The following FOXP2 variants were observed in gnomAD, a reference collection of about 807,000 sequenced individuals.
The protein encoded by FOXP2 is forkhead box P2.
A neutral mutation model predicts 115.8 loss-of-function variants in FOXP2; 12 were observed. The observed-to-expected ratio is 0.10, with a 90% CI of 0.07 to 0.17. FOXP2 has a LOEUF of 0.17. Among genes scored for constraint, FOXP2 ranks in the 10% least tolerant of loss-of-function variants. The probability of loss-of-function intolerance (pLI) is 1.00; values close to 1 mark genes in which losing one functional copy is unlikely to be tolerated. For synonymous variants in FOXP2, 328 were observed against 297.7 expected, an observed-to-expected ratio of 1.10 and a Z score of -1.05; for missense variants, 629 against 843.5, an observed-to-expected ratio of 0.75 and a Z score of 3.15.
intron 6 of FOXP2, among the ~76,000 whole-genome samples, chr7:114,635,475 A>T (rs1172603292): frequency 6.6e-6 from 1 of 152,164 alleles, no homozygotes; most frequent in Non-Finnish European, 1.5e-5. Flanking sequence ...AAATTTCATC[A>T]CTGAATTGAA....
At chr7:114,636,250 C>T (rs1353642866) in intron 6 of FOXP2, among the ~76,000 whole-genome samples, 1 of 152,108 alleles carries the variant, frequency 6.6e-6, no homozygotes, top group African/African-American at 2.4e-5. Flanking sequence ...GGGAAGTTTA[C>T]TTTTGTAATA....
chr7:114,447,064 G>T (rs1306980340), intron 2 of FOXP2, among the ~76,000 whole-genome samples: 1 of 151,892 alleles, frequency 6.6e-6, no homozygotes, highest in African/African-American at 2.4e-5. Context: ...ATCTTTTTAA[G>T]TGGCACTTTA....
intron 1 of FOXP2, among the ~76,000 whole-genome samples, chr7:114,119,549 T>C (rs1791502318): frequency 6.6e-6 from 1 of 151,456 alleles, no homozygotes; most frequent in Non-Finnish European, 1.5e-5. Flanking sequence ...GAGACCAGCC[T>C]AAAAAAAATT....
Position 114,595,609 on chromosome 7 carries a change from A to G in FOXP2, c.259-32931A>G, listed in dbSNP as rs551724655. ...TAATAGAGGTAAGTTGTTTGTAAGG[A>G]TTTTATCGTTTTATTCACCATTAGT... is the stretch of plus-strand genomic sequence containing the variant. On this transcript the variant is annotated intron_variant, in intron 3 of 16. Transcript: ENST00000350908. Among the ~76,000 whole-genome samples, 9 of 152,142 alleles carry G rather than the reference A, an allele frequency of 5.9e-5. No individual in the cohort carries two copies. The South Asian group carries it at 1.9e-3, about 31-fold the overall frequency.
chr7:114,114,121 G>A (rs1791343243), intron 1 of FOXP2, among the ~76,000 whole-genome samples: 1 of 151,814 alleles, frequency 6.6e-6, no homozygotes, highest in South Asian at 2.1e-4. Context: ...GAGGAAAGAT[G>A]TCTACCAGAA....
chr7:114,320,710 C>T (rs1328002293), intron 2 of FOXP2, among the ~76,000 whole-genome samples: 1 of 152,202 alleles, frequency 6.6e-6, no homozygotes, highest in Admixed American at 6.5e-5. Context: ...CTTCCAGTCT[C>T]TGTTCTTAAG....
intron 10 of FOXP2, 62 bp downstream of exon 10, chr7:114,654,071 G>T: frequency 1.2e-6 from 2 of 1,611,048 alleles, no homozygotes; most frequent in South Asian, 1.1e-5. Context: ...CTAAGAAAAT[G>T]AACAATTTAG....
intron 1 of FOXP2, among the ~76,000 whole-genome samples, chr7:114,191,405 C>G (rs577229814): frequency 1.6e-3 from 243 of 152,226 alleles, no homozygotes; most frequent in Non-Finnish European, 2.4e-3. Flanking sequence ...TTACATATAC[C>G]TATTTGTTCT....
At chr7:114,108,582 G>A (rs371947005) in intron 1 of FOXP2, among the ~76,000 whole-genome samples, 4 of 151,862 alleles carry the variant, frequency 2.6e-5, no homozygotes, top group African/African-American at 9.7e-5. Context: ...GTATTAAAAT[G>A]GGGATTATTT....
At chr7:114,291,508 A>C (rs958847801) in intron 2 of FOXP2, among the ~76,000 whole-genome samples, 2 of 152,118 alleles carry the variant, frequency 1.3e-5, no homozygotes, top group African/African-American at 4.8e-5. Context: ...TATATGTAGA[A>C]GCTTAAAACA....
chr7:114,532,467 A>G (rs1298949107), intron 2 of FOXP2, among the ~76,000 whole-genome samples: 1 of 151,930 alleles, frequency 6.6e-6, no homozygotes, highest in Non-Finnish European at 1.5e-5. Flanking sequence ...CAGAAACAGT[A>G]TGGCACACTG....
chr7:114,171,826 T>C (rs569131604), intron 1 of FOXP2, among the ~76,000 whole-genome samples: 1 of 152,240 alleles, frequency 6.6e-6, no homozygotes. Flanking sequence ...AGATTTCTGA[T>C]GGCATTAAAA....
intron 14 of FOXP2, among the ~76,000 whole-genome samples, chr7:114,662,442 T>A (rs937692641): frequency 7.2e-5 from 11 of 152,070 alleles, no homozygotes; most frequent in African/African-American, 2.4e-4. Context: ...ATCAAAAAAT[T>A]GTTTTTCAAG....
intron 1 of FOXP2, among the ~76,000 whole-genome samples, chr7:114,138,165 C>T (rs1207630852): frequency 6.6e-6 from 1 of 152,098 alleles, no homozygotes; most frequent in Non-Finnish European, 1.5e-5. Context: ...AGATACTTAA[C>T]CCCCAAGGAG....
intron 3 of FOXP2, among the ~76,000 whole-genome samples, chr7:114,595,082 A>G (rs555581860): frequency 6.6e-6 from 1 of 152,190 alleles, no homozygotes; most frequent in Admixed American, 6.6e-5. Context: ...TACTTTGAGG[A>G]AACATTCTTA....
At chr7:114,347,927 T>C (rs1791385288) in intron 2 of FOXP2, among the ~76,000 whole-genome samples, 1 of 152,092 alleles carries the variant, frequency 6.6e-6, no homozygotes, top group Non-Finnish European at 1.5e-5. Context: ...ACATTCTAAT[T>C]TTAATGAAAC....
chr7:114,588,932 A>G (rs1802295138), intron 3 of FOXP2, among the ~76,000 whole-genome samples: 1 of 152,174 alleles, frequency 6.6e-6, no homozygotes, highest in African/African-American at 2.4e-5. Flanking sequence ...AAGAGTAGGA[A>G]TTTAGTGATT....
At position 114,654,752 on chromosome 7, in the gene FOXP2, A is replaced by C. The variant is rs973633416; in HGVS notation, c.1266+743A>C. Among the ~76,000 whole-genome samples the C allele has an allele frequency of 4.6e-5, 7 of 152,186 alleles. No individual in the cohort carries two copies. The East Asian group carries it at 1.4e-3, about 29-fold the overall frequency. ...CAACTGGGTAACTCTAGTTTAATGA[A>C]AGTTTGTGGGATACTTTTTAATAAG... On this transcript the variant is annotated intron_variant, in intron 10 of 16. Transcript: ENST00000350908.
Position 114,415,355 on chromosome 7 carries a change from G to A in FOXP2, c.-16G>A, listed in dbSNP as rs886061914. On this transcript the variant is annotated 5_prime_UTR_variant, in exon 1 of 17. Transcript: ENST00000350908. ...CGGGAAGTTTGCTCTAACATTTCCA[G>A]AGAAGGTACGTTACTTTTTGCTAAG... 4.7e-5 allele frequency: 21 copies of A among 449,314 alleles called. No individual in the cohort carries two copies. In the East Asian group the frequency reaches 1.4e-3, roughly 30 times the overall value. The allele number at this position is 449,314 out of a possible 1,614,324, so 27.8% of individuals were successfully genotyped here.
Sources: gnomAD v4.1 joint callset for allele counts (sites outside exome capture counted in the v4.1 genomes callset) on GRCh38, gnomAD v4.1.1 for gene constraint, MANE v1.5 for transcripts, NCBI Gene and HGNC (gene_info 2026-07-23, HGNC 2026-07-21) for gene names.